The following INPP5D variants were observed in gnomAD, a reference collection of about 807,000 sequenced individuals.
The protein encoded by INPP5D is phosphatidylinositol 3,4,5-trisphosphate 5-phosphatase 1.
In INPP5D, 33 loss-of-function variants were observed where a neutral mutation model predicts 122.9. The ratio of observed to expected loss-of-function variants is 0.27; its 90% confidence interval spans 0.20 to 0.36. The LOEUF is 0.36. Ranked by LOEUF, INPP5D falls within the 10% of genes least tolerant of loss-of-function variation. INPP5D has a pLI of 1.00. For missense variants in INPP5D, 1,053 were observed against 1,412.7 expected, an observed-to-expected ratio of 0.75 and a Z score of 4.08; for synonymous variants, 584 against 576.2, an observed-to-expected ratio of 1.01 and a Z score of -0.19.
At chr2:233,148,187 G>C (rs375472514) in intron 9 of INPP5D, among the ~76,000 whole-genome samples, 1 of 152,244 alleles carries the variant, frequency 6.6e-6, no homozygotes, top group Admixed American at 6.5e-5. Context: ...AGGGGATCCA[G>C]GGCCAGCAGG....
chr2:233,154,731 G>A (rs1351831745), intron 9 of INPP5D, among the ~76,000 whole-genome samples: 1 of 152,192 alleles, frequency 6.6e-6, no homozygotes, highest in Non-Finnish European at 1.5e-5. Flanking sequence ...ATGGGTCCAG[G>A]TGCTGGTGTG....
rs1693997591 is a variant in INPP5D at position 233,154,457 on chromosome 2, T to C, written c.1031-3856T>C. The stretch of plus-strand genomic sequence containing the variant: ...AACTGAGGGTCAGGCTGCTATTTCT[T>C]GTGGCCCAATAACAAGATGCACATG... On this transcript the variant is annotated intron_variant, in intron 9 of 26. Transcript: ENST00000445964. 2.0e-5 allele frequency among the ~76,000 whole-genome samples: 3 copies of C among 152,192 alleles called. No homozygotes were observed. In the South Asian group the frequency reaches 6.2e-4, roughly 32 times the overall value.
chr2:233,161,894 A>G (rs1013720298), intron 11 of INPP5D, 68 bp downstream of exon 11: 2 of 1,544,532 alleles, frequency 1.3e-6, no homozygotes, highest in Non-Finnish European at 1.8e-6. Flanking sequence ...AGGCATCCTC[A>G]AGGTGGGGTG....
chr2:233,111,924 G>A (rs574705638), intron 2 of INPP5D, among the ~76,000 whole-genome samples: 11 of 148,170 alleles, frequency 7.4e-5, no homozygotes, highest in Non-Finnish European at 1.2e-4. Flanking sequence ...TTAGCCAAAC[G>A]TGGTGATGCA....
chr2:233,166,045 C>T (rs1452339755), intron 13 of INPP5D, among the ~76,000 whole-genome samples: 1 of 152,158 alleles, frequency 6.6e-6, no homozygotes, highest in Non-Finnish European at 1.5e-5. Context: ...CTCAACTTTT[C>T]TGCTGACAAA....
intron 2 of INPP5D, among the ~76,000 whole-genome samples, chr2:233,104,347 T>C (rs930421437): frequency 2.0e-5 from 3 of 152,236 alleles, no homozygotes. Flanking sequence ...TTCATCCTTT[T>C]CTTCATTCAT....
At chr2:233,077,825 A>G (rs1221960967) in intron 1 of INPP5D, among the ~76,000 whole-genome samples, 5 of 150,586 alleles carry the variant, frequency 3.3e-5, no homozygotes, top group Non-Finnish European at 7.4e-5. Flanking sequence ...GTGCCACTGC[A>G]CTCCAGCCTG....
chr2:233,171,848 C>T (rs1694500026), intron 17 of INPP5D, among the ~76,000 whole-genome samples: 2 of 152,294 alleles, frequency 1.3e-5, no homozygotes, highest in South Asian at 2.1e-4. Flanking sequence ...TCAGGGAAGC[C>T]AGCCCCTGGC....
chr2:233,076,976 G>A (rs1691535739), intron 1 of INPP5D, among the ~76,000 whole-genome samples: 1 of 152,172 alleles, frequency 6.6e-6, no homozygotes, highest in Non-Finnish European at 1.5e-5. Context: ...TATCAAAATA[G>A]CAAATCTCCA....
intron 19 of INPP5D, among the ~76,000 whole-genome samples, chr2:233,182,737 G>A (rs986429972): frequency 6.6e-5 from 10 of 152,150 alleles, no homozygotes; most frequent in South Asian, 4.2e-4. Flanking sequence ...GTCTGAAAAC[G>A]TGGGTAAATC....
intron 13 of INPP5D, among the ~76,000 whole-genome samples, chr2:233,165,451 AGTGT>A (rs371490245): frequency 1.3e-5 from 2 of 148,290 alleles, no homozygotes; most frequent in African/African-American, 5.0e-5. Flanking sequence ...CGTATCTATG[AGTGT>A]GTGTGTGTCC....
intron 1 of INPP5D, among the ~76,000 whole-genome samples, chr2:233,074,917 T>G (rs1691479374): frequency 6.6e-6 from 1 of 152,184 alleles, no homozygotes; most frequent in African/African-American, 2.4e-5. Context: ...TTCATTTGGC[T>G]AGGAATGGCC....
At position 233,078,707 on chromosome 2, in the gene INPP5D, G is replaced by A. The variant is rs772901485; in HGVS notation, c.135-628G>A. Among the ~76,000 whole-genome samples the A allele has an allele frequency of 7.9e-5, 12 of 151,950 alleles. No individual in the cohort carries two copies. Among genetic ancestry groups the A allele is most frequent in the Admixed American group, 1.3e-4 (2 of 15,260 alleles). On this transcript the variant is annotated intron_variant, in intron 1 of 26. Transcript: ENST00000445964. This position sits in a 1 kb window ranked among gnomAD's most constrained non-coding sequence, Gnocchi z 4.6. ...GTTTTGTTTTGTTTTGTTTTGAGAC[G>A]GAGTCTCACTCTGTCGCCAGGCTGG...
rs919509865 is a variant in INPP5D, at chr2:233,170,276, G to A, written c.1791+112G>A. ...CATGTGAATCAAGTGGGCTGAGGCG[G>A]CTGCTCCCCTTGGGGGCTCAACGCT... On this transcript the variant is annotated intron_variant, in intron 15 of 26. Coordinates refer to ENST00000445964, the MANE Select transcript of INPP5D (RefSeq NM_001017915.3). This position sits in a 1 kb window ranked among gnomAD's most constrained non-coding sequence, Gnocchi z 4.5. 4 of 1,519,630 alleles carry A rather than the reference G, an allele frequency of 2.6e-6. No homozygotes were observed. The highest frequency in any genetic ancestry group is 1.4e-5 in the African/African-American group (1 of 72,140). The allele number at this position is 1,519,630 out of a possible 1,614,324, so 94.1% of individuals were successfully genotyped here. A position where few individuals can be genotyped will look rare whatever the true frequency, so the allele number is the denominator to read the frequency against.
chr2:233,068,359 C>T (rs1691284310), intron 1 of INPP5D, among the ~76,000 whole-genome samples: 1 of 150,652 alleles, frequency 6.6e-6, no homozygotes, highest in South Asian at 2.1e-4. Context: ...CTTTGGGAGG[C>T]TGAGGCAAGA....
intron 6 of INPP5D, among the ~76,000 whole-genome samples, chr2:233,144,538 G>A (rs1269475291): frequency 1.7e-5 from 2 of 116,288 alleles, no homozygotes; most frequent in Admixed American, 1.7e-4. Flanking sequence ...TGAGGGTGGA[G>A]GTGGTGGTGG....
chr2:233,116,248 G>GATAGATAGATATAGATATAGAT (rs34084880), intron 2 of INPP5D, among the ~76,000 whole-genome samples: 86 of 135,236 alleles, frequency 6.4e-4, no homozygotes, highest in African/African-American at 2.6e-3. Flanking sequence ...TAGATAGATA[G>GATAGATAGATATAGATATAGAT]ATAGATATAG....
intron 1 of INPP5D, among the ~76,000 whole-genome samples, chr2:233,072,018 A>G (rs1691395350): frequency 6.6e-6 from 1 of 152,204 alleles, no homozygotes; most frequent in South Asian, 2.1e-4. Flanking sequence ...AACTTATTGC[A>G]TGGGCCAGTA....
intron 6 of INPP5D, among the ~76,000 whole-genome samples, chr2:233,141,914 C>T (rs1435710486): frequency 6.6e-6 from 1 of 152,158 alleles, no homozygotes; most frequent in African/African-American, 2.4e-5. Context: ...TTGTATTTTA[C>T]TTGTGCAACT....
Sources: allele counts gnomAD v4.1 joint callset (sites outside exome capture counted in the v4.1 genomes callset), GRCh38; gene constraint gnomAD v4.1.1; non-coding constraint Gnocchi (gnomAD v3.1); transcripts MANE v1.5; gene names NCBI Gene and HGNC (gene_info 2026-07-23, HGNC 2026-07-21).